The following ADGRB3 variants were observed in gnomAD, a reference collection of about 807,000 sequenced individuals.
ADGRB3 encodes the protein brain-specific angiogenesis inhibitor 3.
Under a neutral mutation model 193.4 loss-of-function variants are expected in ADGRB3, and 37 were observed. That is an observed-to-expected ratio of 0.19 (90% CI 0.15 to 0.25). The LOEUF is 0.25. Among genes scored for constraint, ADGRB3 ranks in the 10% least tolerant of loss-of-function variants. The pLI is 1.00. For missense variants in ADGRB3, 1,637 were observed against 1,852.9 expected (o/e 0.88, Z 2.14); for synonymous variants, 690 against 644.2 (o/e 1.07, Z -1.08).
intron 17 of ADGRB3, among the ~76,000 whole-genome samples, chr6:69,130,490 G>T (rs915752115): frequency 6.7e-6 from 1 of 149,842 alleles, no homozygotes. Context: ...GAAAGAGGAG[G>T]ATGCTATTTT....
intron 11 of ADGRB3, among the ~76,000 whole-genome samples, chr6:68,995,940 G>T (rs571906643): frequency 5.6e-4 from 85 of 152,110 alleles, no homozygotes; most frequent in African/African-American, 2.0e-3. Context: ...TTTATACAAA[G>T]AATTTGCAAA....
At chr6:68,675,944 G>A (rs937069793) in intron 3 of ADGRB3, among the ~76,000 whole-genome samples, 2 of 152,104 alleles carry the variant, frequency 1.3e-5, no homozygotes, top group Admixed American at 6.6e-5. Flanking sequence ...TTTTATTCTT[G>A]TATTTTTCTA....
intron 3 of ADGRB3, among the ~76,000 whole-genome samples, chr6:68,882,638 C>T (rs1443977916): frequency 6.6e-6 from 1 of 152,062 alleles, no homozygotes; most frequent in Non-Finnish European, 1.5e-5. Flanking sequence ...TTTGTAGTGG[C>T]TCCTAGACTC....
At chr6:68,693,594 A>G (rs1011100611) in intron 3 of ADGRB3, among the ~76,000 whole-genome samples, 2 of 151,998 alleles carry the variant, frequency 1.3e-5, no homozygotes, top group African/African-American at 4.8e-5. Flanking sequence ...ATAGTTTCTA[A>G]TAAAATGTCT....
chr6:68,950,778 G>C (rs1767895538), intron 6 of ADGRB3, among the ~76,000 whole-genome samples: 1 of 152,114 alleles, frequency 6.6e-6, no homozygotes, highest in Non-Finnish European at 1.5e-5. Flanking sequence ...CATAATTCAA[G>C]CCACCATCAG....
chr6:69,011,612 A>G (rs1045257869), intron 11 of ADGRB3, among the ~76,000 whole-genome samples: 1 of 152,084 alleles, frequency 6.6e-6, no homozygotes, highest in Non-Finnish European at 1.5e-5. Flanking sequence ...ACACCTGCAC[A>G]TGTATCCCCT....
At chr6:69,029,269 C>T (rs1055792897) in intron 13 of ADGRB3, among the ~76,000 whole-genome samples, 3 of 152,142 alleles carry the variant, frequency 2.0e-5, no homozygotes, top group African/African-American at 7.2e-5. Context: ...TATGTATCCA[C>T]TTTATTTGAA....
chr6:68,895,221 A>ATT (rs35758730), intron 3 of ADGRB3, among the ~76,000 whole-genome samples: 12 of 147,516 alleles, frequency 8.1e-5, no homozygotes, highest in African/African-American at 3.0e-4. Context: ...GCTGAGACTA[A>ATT]TTTTTTTTTT....
chr6:68,687,720 G>A (rs1765008453), intron 3 of ADGRB3, among the ~76,000 whole-genome samples: 1 of 151,762 alleles, frequency 6.6e-6, no homozygotes, highest in Non-Finnish European at 1.5e-5. Flanking sequence ...ACCTTTCAGA[G>A]GAAAAAAACA....
chr6:68,851,176 T>G (rs1768392216), intron 3 of ADGRB3, among the ~76,000 whole-genome samples: 1 of 151,928 alleles, frequency 6.6e-6, no homozygotes, highest in African/African-American at 2.4e-5. Flanking sequence ...ACCAGTTAAT[T>G]TTTCTTTCAA....
chr6:68,837,583 T>G (rs1052026073), intron 3 of ADGRB3, among the ~76,000 whole-genome samples: 3 of 152,240 alleles, frequency 2.0e-5, no homozygotes, highest in African/African-American at 7.2e-5. Flanking sequence ...TTGCTCTTTT[T>G]AAAGACTTGA....
intron 3 of ADGRB3, among the ~76,000 whole-genome samples, chr6:68,876,169 G>C (rs1765588911): frequency 6.6e-6 from 1 of 152,112 alleles, no homozygotes. Context: ...GGAACGTCCT[G>C]TCTAGTTATT....
At chr6:69,124,260 GTTTA>G (rs1442400103) in intron 17 of ADGRB3, among the ~76,000 whole-genome samples, 3 of 151,946 alleles carry the variant, frequency 2.0e-5, no homozygotes, top group East Asian at 1.9e-4. Flanking sequence ...GCCATTATTT[GTTTA>G]TTTCTCTTTT....
chr6:69,074,603 C>T (rs1192058974), intron 16 of ADGRB3, among the ~76,000 whole-genome samples: 3 of 149,516 alleles, frequency 2.0e-5, no homozygotes, highest in Non-Finnish European at 3.0e-5. Flanking sequence ...TGCAGTGGCA[C>T]GATCTCGGCT....
At chr6:69,259,862 A>T (rs1766884714) in intron 20 of ADGRB3, among the ~76,000 whole-genome samples, 1 of 152,148 alleles carries the variant, frequency 6.6e-6, no homozygotes. Context: ...AAATAATAAT[A>T]ATTGAATTCT....
At chr6:69,164,239 T>C (rs928134373) in intron 17 of ADGRB3, among the ~76,000 whole-genome samples, 1 of 152,062 alleles carries the variant, frequency 6.6e-6, no homozygotes, top group Non-Finnish European at 1.5e-5. Flanking sequence ...TTTATCTTTT[T>C]TCCCCCTACA....
chr6:68,725,951 G>T (rs749890117), intron 3 of ADGRB3, among the ~76,000 whole-genome samples: 2 of 151,462 alleles, frequency 1.3e-5, no homozygotes, highest in Non-Finnish European at 3.0e-5. Context: ...GAAGGGTGGA[G>T]GTGAACAACA....
chr6:69,252,977 G>T (rs1444213019), intron 20 of ADGRB3, among the ~76,000 whole-genome samples: 1 of 152,004 alleles, frequency 6.6e-6, no homozygotes, highest in Non-Finnish European at 1.5e-5. Context: ...TGTGTTATAT[G>T]AGGTAGGTCT....
At position 69,082,421 on chromosome 6, in the gene ADGRB3, G is replaced by A. The variant is rs184176121; in HGVS notation, c.2480+6383G>A. ...TTGTCTCATTCTCATCTGTAATACC[G>A]AATAATATTGTTTCCTATCCTTTTC... On this transcript the variant is annotated intron_variant, in intron 17 of 31. Coordinates refer to ENST00000370598, the MANE Select transcript of ADGRB3 (RefSeq NM_001704.3). 1.4e-3 allele frequency among the ~76,000 whole-genome samples: 214 copies of A among 152,028 alleles called. 1 individual carries two copies. In the Middle Eastern group the frequency reaches 0.024, roughly 17 times the overall value.
Sources: gnomAD v4.1 joint callset for allele counts (sites outside exome capture counted in the v4.1 genomes callset) on GRCh38, gnomAD v4.1.1 for gene constraint, MANE v1.5 for transcripts, NCBI Gene and HGNC (gene_info 2026-07-23, HGNC 2026-07-21) for gene names.